The following BDP1 variants were observed in gnomAD, a reference collection of about 807,000 sequenced individuals.
BDP1 encodes BDP1 general transcription factor IIIB subunit.
BDP1 carries 169 observed loss-of-function variants against 266.6 expected under a neutral mutation model. That is an observed-to-expected ratio of 0.63 (90% CI 0.56 to 0.72). The LOEUF is 0.72. BDP1 is among the 30% of genes least tolerant of loss of function. BDP1 has a pLI of 0.00. For synonymous variants in BDP1, 1,090 were observed against 1,022.4 expected (o/e 1.07, Z -1.26); for missense variants, 3,015 against 3,053.8 (o/e 0.99, Z 0.30).
At chr5:71,495,957 T>G (rs1024498887) in intron 12 of BDP1, among the ~76,000 whole-genome samples, 2 of 152,042 alleles carry the variant, frequency 1.3e-5, no homozygotes, top group Admixed American at 1.3e-4. Flanking sequence ...ATTAATAGTT[T>G]ATGGGCTGGG....
At chr5:71,569,855 CACAAA>C (rs999319027), downstream of BDP1, among the ~76,000 whole-genome samples, 9 of 152,112 alleles carry the variant, frequency 5.9e-5, no homozygotes, top group Admixed American at 2.6e-4. Flanking sequence ...AACACCAACA[CACAAA>C]ACAAAAAAAT....
chr5:71,542,940 C>T (rs1767064028), intron 30 of BDP1, among the ~76,000 whole-genome samples: 1 of 151,928 alleles, frequency 6.6e-6, no homozygotes. Context: ...ATGTTATGAG[C>T]CATAGAGAAA....
intron 26 of BDP1, among the ~76,000 whole-genome samples, chr5:71,533,924 T>C (rs1318035404): frequency 1.3e-5 from 2 of 152,172 alleles, no homozygotes; most frequent in South Asian, 2.1e-4. Context: ...CTTTTGTCTG[T>C]TTTTCTTTTA....
At chr5:71,468,582 A>G (rs1340987866) in intron 6 of BDP1, among the ~76,000 whole-genome samples, 1 of 150,998 alleles carries the variant, frequency 6.6e-6, no homozygotes, top group Non-Finnish European at 1.5e-5. Flanking sequence ...TACCATTTAA[A>G]TAAAAATTAA....
chr5:71,550,699 T>G (rs1203722589), intron 34 of BDP1, among the ~76,000 whole-genome samples: 2 of 152,168 alleles, frequency 1.3e-5, no homozygotes, highest in East Asian at 3.8e-4. Flanking sequence ...CATTAGAAAT[T>G]GAAGACTTTA....
At chr5:71,531,126 C>T (rs1329848027) in intron 25 of BDP1, among the ~76,000 whole-genome samples, 2 of 152,080 alleles carry the variant, frequency 1.3e-5, no homozygotes, top group African/African-American at 4.8e-5. Flanking sequence ...TGACTCTTTA[C>T]TCACAGTTTC....
intron 26 of BDP1, among the ~76,000 whole-genome samples, chr5:71,537,412 T>C (rs1176590506): frequency 6.6e-6 from 1 of 152,156 alleles, no homozygotes. Context: ...TGAGGTGGGA[T>C]TTCCTTCTTC....
At chr5:71,497,188 C>T in intron 12 of BDP1, 82 bp from the exon 13 acceptor site, 1 of 1,295,818 alleles carries the variant, frequency 7.7e-7, no homozygotes. Context: ...GGAGTTCTTC[C>T]TAATTCTCAG....
chr5:71,551,635 A>G (rs1296438359), intron 34 of BDP1, among the ~76,000 whole-genome samples: 1 of 152,236 alleles, frequency 6.6e-6, no homozygotes, highest in East Asian at 1.9e-4. Flanking sequence ...CACACCTCCC[A>G]GACGGGGTGG....
downstream of BDP1, among the ~76,000 whole-genome samples, chr5:71,570,703 C>A (rs1744236178): frequency 1.3e-5 from 2 of 152,260 alleles, no homozygotes; most frequent in Admixed American, 1.3e-4. Context: ...TTCCAGTATT[C>A]CCAATGAGGT....
At chr5:71,528,040 C>CA (rs1388579064) in intron 25 of BDP1, among the ~76,000 whole-genome samples, 1 of 152,082 alleles carries the variant, frequency 6.6e-6, no homozygotes, top group African/African-American at 2.4e-5. Context: ...AGGCTGGTCT[C>CA]AAACTCCTGA....
intron 38 of BDP1, 168 bp downstream of exon 38, chr5:71,562,688 T>G (rs1743761949): frequency 2.3e-5 from 34 of 1,486,888 alleles, no homozygotes; most frequent in Non-Finnish European, 3.0e-5. Flanking sequence ...GAAGAAAAGG[T>G]GTTGAGTCAG....
At chr5:71,544,271 T>C in intron 30 of BDP1, 86 bp from the exon 31 acceptor site, 1 of 1,289,216 alleles carries the variant, frequency 7.8e-7, no homozygotes, top group Non-Finnish European at 1.1e-6. Flanking sequence ...TATAGGAATC[T>C]TCCTTTTAAG....
chr5:71,573,081 T>G, the BDP1 span, among the ~76,000 whole-genome samples: 15 of 151,858 alleles, frequency 9.9e-5, no homozygotes, highest in African/African-American at 3.6e-4. Context: ...ATACAAAAAT[T>G]AGCCGGGCGT....
intron 7 of BDP1, among the ~76,000 whole-genome samples, chr5:71,476,550 C>CT (rs11439926): frequency 0.76 from 114,010 of 149,720 alleles, 43,935 homozygotes; most frequent in East Asian, 0.88. Context: ...TTTTTTTTCC[C>CT]TTTTTTTTTA....
At chr5:71,541,858 G>A (rs946355634) in intron 29 of BDP1, among the ~76,000 whole-genome samples, 176 bp downstream of exon 29, 1 of 152,154 alleles carries the variant, frequency 6.6e-6, no homozygotes, top group Admixed American at 6.5e-5. Context: ...AGTAAATGTT[G>A]TGTATCTTTG....
Position 71,530,049 on chromosome 5 carries a change from T to G in BDP1, c.5773-2259T>G, listed in dbSNP as rs373604811. On this transcript the variant is annotated intron_variant, in intron 25 of 38. Coordinates refer to ENST00000358731, the MANE Select transcript of BDP1 (RefSeq NM_018429.3). ...ATTGAATTGTACACCTTAAGTGGGT[T>G]AACTGTATGTTATGTGAATTGCAAG... 9.8e-5 allele frequency among the ~76,000 whole-genome samples: 15 copies of G among 152,382 alleles called. 1 individual carries two copies. Among genetic ancestry groups the G allele is most frequent in the African/African-American group, 3.6e-4 (15 of 41,588 alleles).
chr5:71,524,279 T>G lies in BDP1; in HGVS notation c.5728T>G (p.Ser1910Ala), dbSNP rs1320336063. 1.2e-6 allele frequency: 2 copies of G among 1,607,996 alleles called. No homozygotes were observed. Among genetic ancestry groups the G allele is most frequent in the Non-Finnish European group, 1.7e-6 (2 of 1,174,856 alleles). Residue 1910 changes from serine (S) to alanine (A), a missense_variant, in exon 25 of 39, where the codon TCT (serine) becomes GCT (alanine). Ser to Ala is a moderately conservative substitution (Grantham distance 99, BLOSUM62 1). Transcript: ENST00000358731. ...APVFVPVGLR[S>A]PEPVSAQIEE... ...AGTATTTGTACCTGTTGGTCTCAGA[T>G]CTCCTGAACCTGTTTCTGCTCAGAT...
At chr5:71,488,195 G>A (rs1004154110) in intron 9 of BDP1, among the ~76,000 whole-genome samples, 13 of 148,310 alleles carry the variant, frequency 8.8e-5, no homozygotes, top group Non-Finnish European at 1.6e-4. Context: ...GCCTGATCTC[G>A]GCTCACTGAA....
Sources: gnomAD v4.1 joint callset for allele counts (sites outside exome capture counted in the v4.1 genomes callset) on GRCh38, gnomAD v4.1.1 for gene constraint, MANE v1.5 for transcripts, NCBI Gene and HGNC (gene_info 2026-07-23, HGNC 2026-07-21) for gene names.